The following TBC1D22B variants were observed in gnomAD, a reference collection of about 807,000 sequenced individuals.
TBC1D22B encodes TBC1 domain family member 22B.
In TBC1D22B, 32 loss-of-function variants were observed where a neutral mutation model predicts 69.1. The observed-to-expected ratio is 0.46, with a 90% CI of 0.35 to 0.62. The LOEUF is 0.62. TBC1D22B is among the 20% of genes least tolerant of loss of function. TBC1D22B has a pLI of 0.00. For synonymous variants in TBC1D22B, 206 were observed against 229.8 expected (o/e 0.90, Z 0.94); for missense variants, 462 against 630.9 (o/e 0.73, Z 2.87).
intron 11 of TBC1D22B, 60 bp from the exon 12 acceptor site, chr6:37,317,051 G>A: frequency 6.6e-7 from 1 of 1,519,250 alleles, no homozygotes; most frequent in Non-Finnish European, 9.0e-7. Flanking sequence ...GGAACTGAGA[G>A]GACCAGAGCT....
At position 37,282,962 on chromosome 6, in the gene TBC1D22B, A is replaced by T. The variant is rs766792010; in HGVS notation, c.672+10A>T. 12 of 1,613,020 alleles carry T rather than the reference A, an allele frequency of 7.4e-6. No homozygotes were observed. Among genetic ancestry groups the T allele is most frequent in the Non-Finnish European group, 1.0e-5 (12 of 1,179,238 alleles). On this transcript the variant is annotated intron_variant, in intron 5 of 12. Transcript: ENST00000373491. The stretch of plus-strand genomic sequence containing the variant: ...CTGGAGACTCCTGTCGGTGAGTTCT[A>T]CCCACTGTGTAGAGAAATGTGAGCC...
At chr6:37,326,985 T>G (rs983845960) in intron 12 of TBC1D22B, among the ~76,000 whole-genome samples, 1 of 152,170 alleles carries the variant, frequency 6.6e-6, no homozygotes. Flanking sequence ...CCTGCCTAAC[T>G]TAGGATACAA....
intron 2 of TBC1D22B, among the ~76,000 whole-genome samples, chr6:37,272,580 G>C (rs775601650): frequency 5.2e-4 from 79 of 152,054 alleles, no homozygotes; most frequent in Middle Eastern, 3.4e-3. Context: ...TGTAGATGGG[G>C]TTTCACCATG....
At chr6:37,258,231 T>G in intron 1 of TBC1D22B, 1 of 513,404 alleles carries the variant, frequency 1.9e-6, no homozygotes. Flanking sequence ...TGGCCGAAGA[T>G]TGGGCGTAAA....
At chr6:37,307,357 CTT>C (rs1162970941) in intron 8 of TBC1D22B, among the ~76,000 whole-genome samples, 4,272 of 137,674 alleles carry the variant, frequency 0.031, 169 homozygotes, top group African/African-American at 0.1. Context: ...TCTTTTTTTT[CTT>C]TTTTTTTTTT....
At chr6:37,288,933 G>A (rs1767095192) in intron 7 of TBC1D22B, among the ~76,000 whole-genome samples, 1 of 151,974 alleles carries the variant, frequency 6.6e-6, no homozygotes, top group Non-Finnish European at 1.5e-5. Context: ...CTGTCACCCA[G>A]GCTAGAGTGC....
rs1490252891 is a variant in TBC1D22B, at chr6:37,325,701, C to T, written c.1390-5343C>T. ...TGTAGCTGGGACTACAGGGGCACGC[C>T]ATGACGCCCAGCTAATTTTTTGTAT... On this transcript the variant is annotated intron_variant, in intron 12 of 12. Coordinates refer to ENST00000373491, the MANE Select transcript of TBC1D22B (RefSeq NM_017772.4). Among the ~76,000 whole-genome samples, 6 of 152,086 alleles carry T rather than the reference C, an allele frequency of 3.9e-5. No homozygotes were observed. In the South Asian group the frequency reaches 1.2e-3, roughly 32 times the overall value.
At chr6:37,281,190 T>A (rs1490556447) in intron 3 of TBC1D22B, among the ~76,000 whole-genome samples, 1 of 152,208 alleles carries the variant, frequency 6.6e-6, no homozygotes, top group Non-Finnish European at 1.5e-5. Flanking sequence ...CTAAGGTGGT[T>A]TTTCACTTCT....
chr6:37,321,735 C>T (rs902790028), intron 12 of TBC1D22B, among the ~76,000 whole-genome samples: 10 of 152,192 alleles, frequency 6.6e-5, no homozygotes, highest in African/African-American at 2.2e-4. Flanking sequence ...AAGAGCAGCT[C>T]TGGGCCTGTC....
At chr6:37,317,574 CT>C (rs1768119833) in intron 12 of TBC1D22B, among the ~76,000 whole-genome samples, 1 of 152,120 alleles carries the variant, frequency 6.6e-6, no homozygotes, top group Non-Finnish European at 1.5e-5. Flanking sequence ...CTTACGTACT[CT>C]GATAGTTGTG....
At chr6:37,295,518 T>A in intron 8 of TBC1D22B, 1 of 330,926 alleles carries the variant, frequency 3.0e-6, no homozygotes, top group South Asian at 2.9e-5. Context: ...AGATTTCCAA[T>A]AATTACTGAA....
At chr6:37,274,393 T>C (rs1766598636) in intron 2 of TBC1D22B, among the ~76,000 whole-genome samples, 1 of 152,254 alleles carries the variant, frequency 6.6e-6, no homozygotes. Context: ...GGCCACTCTT[T>C]TTCAACATAT....
intron 9 of TBC1D22B, among the ~76,000 whole-genome samples, 179 bp from the exon 10 acceptor site, chr6:37,313,637 C>T (rs1167968799): frequency 2.0e-5 from 3 of 152,212 alleles, no homozygotes; most frequent in Non-Finnish European, 4.4e-5. Flanking sequence ...CTGCAGGGCT[C>T]CATTGGGCTT....
At chr6:37,305,219 G>T (rs1423258236) in intron 8 of TBC1D22B, among the ~76,000 whole-genome samples, 2 of 152,156 alleles carry the variant, frequency 1.3e-5, no homozygotes, top group African/African-American at 4.8e-5. Flanking sequence ...CTCCCTGTCT[G>T]GCTAGGCCAA....
At chr6:37,293,086 T>A (rs994226355) in intron 8 of TBC1D22B, among the ~76,000 whole-genome samples, 3 of 149,904 alleles carry the variant, frequency 2.0e-5, no homozygotes, top group Admixed American at 6.6e-5. Context: ...TTATTATTAT[T>A]TTTTTTTTTG....
At chr6:37,280,568 G>T (rs892467796) in intron 3 of TBC1D22B, among the ~76,000 whole-genome samples, 1 of 152,236 alleles carries the variant, frequency 6.6e-6, no homozygotes, top group Non-Finnish European at 1.5e-5. Flanking sequence ...GCTGCAGGCC[G>T]TGGAAGGTGT....
chr6:37,291,434 AG>A (rs1474233847), intron 8 of TBC1D22B, 77 bp downstream of exon 8: 1 of 1,041,682 alleles, frequency 9.6e-7, no homozygotes, highest in African/African-American at 1.6e-5. Context: ...TTTTCCCAAG[AG>A]TCCAGCCAGT....
At chr6:37,298,060 A>G (rs1767441976) in intron 8 of TBC1D22B, among the ~76,000 whole-genome samples, 1 of 152,204 alleles carries the variant, frequency 6.6e-6, no homozygotes, top group Admixed American at 6.6e-5. Flanking sequence ...TGGGGGGCCC[A>G]GGGGAGAGAT....
At chr6:37,293,066 A>ATTG (rs1373997374) in intron 8 of TBC1D22B, among the ~76,000 whole-genome samples, 1 of 148,622 alleles carries the variant, frequency 6.7e-6, no homozygotes, top group African/African-American at 2.6e-5. Context: ...ACTTTTCATT[A>ATTG]TTATTATTAT....
Sources: allele counts gnomAD v4.1 joint callset (sites outside exome capture counted in the v4.1 genomes callset), GRCh38; gene constraint gnomAD v4.1.1; transcripts MANE v1.5; gene names NCBI Gene and HGNC (gene_info 2026-07-23, HGNC 2026-07-21).